Variants in ABLIM1 observed in about 807,000 individuals in gnomAD.
ABLIM1 encodes actin binding LIM protein 1, also known as actin-binding LIM protein 1.
In ABLIM1, 40 loss-of-function variants were observed where a neutral mutation model predicts 107.0. The observed-to-expected ratio is 0.37, with a 90% confidence interval of 0.29 to 0.49. ABLIM1 has a LOEUF of 0.49. Among genes scored for constraint, ABLIM1 ranks in the 20% least tolerant of loss-of-function variants. ABLIM1 has a pLI of 0.97. For synonymous variants in ABLIM1, 357 were observed against 357.3 expected, an observed-to-expected ratio of 1.00 and a Z score of 0.01; for missense variants, 857 against 1,008.5, an observed-to-expected ratio of 0.85 and a Z score of 2.04.
chr10:114,731,858 C>T (rs921076933), intron 1 of ABLIM1, among the ~76,000 whole-genome samples: 1 of 152,206 alleles, frequency 6.6e-6, no homozygotes, highest in Non-Finnish European at 1.5e-5. Context: ...GATCCACCTG[C>T]CTCGGCCTCC....
chr10:114,574,830 T>C (rs942927754), intron 3 of ABLIM1, among the ~76,000 whole-genome samples: 3 of 152,178 alleles, frequency 2.0e-5, no homozygotes, highest in African/African-American at 7.2e-5. Context: ...TTGGCAAATA[T>C]TTCCCCCCAA....
intron 6 of ABLIM1, among the ~76,000 whole-genome samples, chr10:114,516,916 A>G (rs1259221785): frequency 2.6e-5 from 4 of 152,188 alleles, no homozygotes; most frequent in Non-Finnish European, 1.5e-5. Flanking sequence ...GAAATTTCCT[A>G]GAAGACTTGC....
chr10:114,709,271 C>T (rs1480718800), intron 1 of ABLIM1, among the ~76,000 whole-genome samples: 3 of 152,068 alleles, frequency 2.0e-5, no homozygotes, highest in Non-Finnish European at 4.4e-5. Flanking sequence ...CCTTAGCACC[C>T]AACACTGGAG....
chr10:114,468,644 C>A (rs1448949815), intron 10 of ABLIM1, among the ~76,000 whole-genome samples: 1 of 152,168 alleles, frequency 6.6e-6, no homozygotes, highest in Non-Finnish European at 1.5e-5. Context: ...TACCTGCCAG[C>A]ATCCCTCCAC....
chr10:114,796,685 T>G, the ABLIM1 span, among the ~76,000 whole-genome samples: 1 of 152,160 alleles, frequency 6.6e-6, no homozygotes, highest in Non-Finnish European at 1.5e-5. Flanking sequence ...TATAGAAGTC[T>G]TTGAACTACA....
chr10:114,608,369 A>G (rs2076568810), intron 1 of ABLIM1, among the ~76,000 whole-genome samples: 1 of 151,800 alleles, frequency 6.6e-6, no homozygotes, highest in Non-Finnish European at 1.5e-5. Context: ...TGTCACCAAA[A>G]TAAATAAATA....
chr10:114,584,675 A>G (rs771344345), intron 2 of ABLIM1, among the ~76,000 whole-genome samples: 1 of 152,228 alleles, frequency 6.6e-6, no homozygotes, highest in African/African-American at 2.4e-5. Flanking sequence ...AACATATTTT[A>G]AGAGTGTTTC....
In ABLIM1 at chr10:114,457,965, C is replaced by T. The variant is rs564291265; in HGVS notation, c.1442-4482G>A. The stretch of plus-strand genomic sequence containing the variant: ...GCAGGCATCTGTAATCCCAGCTACT[C>T]AGGAGGCTATGGCAGGAGAATTGCT... On this transcript the variant is annotated intron_variant, in intron 12 of 22. Coordinates refer to ENST00000533213, the MANE Select transcript of ABLIM1 (RefSeq NM_002313.7). 7.2e-5 allele frequency among the ~76,000 whole-genome samples: 11 copies of T among 152,180 alleles called. No individual in the cohort carries two copies. The East Asian group carries it at 2.1e-3, about 30-fold the overall frequency.
Position 114,468,192 on chromosome 10 carries a change from G to A in ABLIM1, c.1300C>T (p.Pro434Ser). ...GAAATGGTACTTACTTCTGCTGATG[G>A]AGTAGGAGACAAAGTCCTCGGAGAC... ...GESPRTLSPT[P>S]SAEGYQDVRD... The change falls in exon 11 of 23, where the codon CCA (proline) becomes TCA (serine). Residue 434 changes from proline (P) to serine (S), a missense_variant. Pro to Ser is a moderately conservative substitution (Grantham distance 74, BLOSUM62 -1). Transcript: ENST00000533213. The A allele has an allele frequency of 4.3e-6, 7 of 1,613,138 alleles. No individual in the cohort carries two copies. Among genetic ancestry groups the A allele is most frequent in the Non-Finnish European group, 5.9e-6 (7 of 1,179,070 alleles).
At chr10:114,762,466 C>A (rs7912645) in intron 1 of ABLIM1, among the ~76,000 whole-genome samples, 1 of 152,036 alleles carries the variant, frequency 6.6e-6, no homozygotes, top group Admixed American at 6.5e-5. Context: ...TCAGATAAAT[C>A]AATAAAAATC....
chr10:114,781,554 G>A, the ABLIM1 span, among the ~76,000 whole-genome samples: 1 of 26,256 alleles, frequency 3.8e-5, no homozygotes, highest in South Asian at 1.4e-3. Context: ...ATCTATATAT[G>A]TGTGTGTGTG....
chr10:114,448,365 G>A (rs1329585510), intron 14 of ABLIM1, among the ~76,000 whole-genome samples: 2 of 152,096 alleles, frequency 1.3e-5, no homozygotes, highest in African/African-American at 2.4e-5. Flanking sequence ...TATTTCAACT[G>A]CTCAGTAGTC....
chr10:114,642,049 A>AC (rs2078778079), intron 1 of ABLIM1, among the ~76,000 whole-genome samples: 1 of 151,472 alleles, frequency 6.6e-6, no homozygotes, highest in African/African-American at 2.4e-5. Flanking sequence ...TACCTGGCTG[A>AC]TTTTTAATTT....
At chr10:114,517,592 C>CAGCG (rs1201773677) in intron 6 of ABLIM1, among the ~76,000 whole-genome samples, 1 of 152,008 alleles carries the variant, frequency 6.6e-6, no homozygotes, top group Admixed American at 6.5e-5. Flanking sequence ...GCATCAACGA[C>CAGCG]AGCGCATACT....
chr10:114,756,105 T>C (rs1295886831), intron 1 of ABLIM1, among the ~76,000 whole-genome samples: 1 of 149,372 alleles, frequency 6.7e-6, no homozygotes, highest in African/African-American at 2.5e-5. Flanking sequence ...TGTGTGTGTG[T>C]TCTAAAAGAA....
chr10:114,465,291 G>A (rs1412277243), intron 12 of ABLIM1, among the ~76,000 whole-genome samples: 2 of 151,990 alleles, frequency 1.3e-5, no homozygotes, highest in South Asian at 2.1e-4. Context: ...CTAGATAAGG[G>A]AAACATAATC....
intron 2 of ABLIM1, among the ~76,000 whole-genome samples, chr10:114,587,568 A>G (rs1020181877): frequency 6.6e-6 from 1 of 152,178 alleles, no homozygotes; most frequent in Non-Finnish European, 1.5e-5. Context: ...TTAAAGTGCC[A>G]TCTTTTCAAG....
the ABLIM1 span, among the ~76,000 whole-genome samples, chr10:114,783,511 A>G: frequency 6.6e-6 from 1 of 152,062 alleles, no homozygotes; most frequent in African/African-American, 2.4e-5. Flanking sequence ...AAATCCATGG[A>G]AATTAGTGAG....
Position 114,644,306 on chromosome 10 carries a change from A to AAAAATATATAT in ABLIM1, c.244+13650_244+13651insATATATATTTT, listed in dbSNP as rs1408072252. On this transcript the variant is annotated intron_variant, in intron 1 of 22. Coordinates refer to ENST00000533213, the MANE Select transcript of ABLIM1 (RefSeq NM_002313.7). ...AAAAAAAAAAAAAAAAAAAAAAAAA[A>AAAAATATATAT]ATATATATATATATATATATATATG... Among the ~76,000 whole-genome samples the AAAAATATATAT allele has an allele frequency of 1.7e-4, 9 of 52,250 alleles. 1 individual carries two copies. The highest frequency in any genetic ancestry group is 7.9e-4 in the East Asian group (1 of 1,264). The allele number at this position is 52,250 out of a possible 152,430, so 34.3% of individuals were successfully genotyped here.
Sources: allele counts gnomAD v4.1 joint callset (sites outside exome capture counted in the v4.1 genomes callset), GRCh38; gene constraint gnomAD v4.1.1; transcripts MANE v1.5; gene names NCBI Gene and HGNC (gene_info 2026-07-23, HGNC 2026-07-21).